DBF4B: variants seen among roughly 807,000 people sequenced by gnomAD.
DBF4B encodes protein DBF4 homolog B.
A neutral mutation model predicts 53.4 loss-of-function variants in DBF4B; 49 were observed. The ratio of observed to expected loss-of-function variants is 0.92; its 90% confidence interval spans 0.73 to 1.16. The LOEUF is 1.16. Ranked by LOEUF, DBF4B falls within the 50% of genes most tolerant of loss-of-function variation. The pLI, the probability that DBF4B is intolerant of heterozygous loss-of-function variation, is 0.00. For synonymous variants in DBF4B, 257 were observed against 288.7 expected (o/e 0.89, Z 1.11); for missense variants, 692 against 775.0 (o/e 0.89, Z 1.27).
chr17:44,710,159 C>T (rs1436084869), intron 2 of DBF4B, among the ~76,000 whole-genome samples: 3 of 151,406 alleles, frequency 2.0e-5, no homozygotes, highest in Non-Finnish European at 2.9e-5. Context: ...GGCGACCGAG[C>T]GAGACTCCGT....
chr17:44,727,584 A>G (rs1171824720), intron 3 of DBF4B, among the ~76,000 whole-genome samples: 2 of 152,252 alleles, frequency 1.3e-5, no homozygotes, highest in Non-Finnish European at 2.9e-5. Flanking sequence ...AATGAGGATT[A>G]TATAACCAAA....
At chr17:44,732,085 C>A in intron 5 of DBF4B, 93 bp from the exon 6 acceptor site, 1 of 1,282,972 alleles carries the variant, frequency 7.8e-7, no homozygotes, top group Non-Finnish European at 1.1e-6. Context: ...CCATGGATGA[C>A]TCAGGCCTCC....
chr17:44,734,235 C>A, intron 7 of DBF4B, 72 bp downstream of exon 7: 1 of 1,580,852 alleles, frequency 6.3e-7, no homozygotes, highest in South Asian at 1.1e-5. Context: ...TAGGTAAATC[C>A]ATGGCCCACC....
At chr17:44,724,683 A>G (rs1427215621) in intron 3 of DBF4B, among the ~76,000 whole-genome samples, 2 of 152,210 alleles carry the variant, frequency 1.3e-5, no homozygotes, top group Non-Finnish European at 2.9e-5. Context: ...CCAGCCAAAA[A>G]AAAGGAAACT....
At chr17:44,716,972 T>C (rs1973388680) in intron 2 of DBF4B, among the ~76,000 whole-genome samples, 1 of 152,194 alleles carries the variant, frequency 6.6e-6, no homozygotes, top group Admixed American at 6.5e-5. Context: ...TGTTGTCTTC[T>C]TGCCAGTTTC....
At chr17:44,748,217 C>G in intron 12 of DBF4B, 124 bp from the exon 13 acceptor site, 4 of 1,315,522 alleles carry the variant, frequency 3.0e-6, no homozygotes, top group Non-Finnish European at 4.2e-6. Context: ...CACAGGGCCT[C>G]AGAGAAGGCA....
chr17:44,713,034 CTTTTT>C (rs979925867), intron 2 of DBF4B, among the ~76,000 whole-genome samples: 1 of 103,900 alleles, frequency 9.6e-6, no homozygotes, highest in African/African-American at 4.1e-5. Context: ...TTTGTATTGA[CTTTTT>C]TTTTTTTTTT....
chr17:44,725,116 CAA>C (rs57821218), intron 3 of DBF4B, among the ~76,000 whole-genome samples: 11 of 47,590 alleles, frequency 2.3e-4, no homozygotes, highest in African/African-American at 6.6e-4. Context: ...GACTCCATCT[CAA>C]AAAAAAAAAA....
At chr17:44,730,736 C>T (rs938928868) in intron 4 of DBF4B, among the ~76,000 whole-genome samples, 28 of 152,282 alleles carry the variant, frequency 1.8e-4, no homozygotes, top group African/African-American at 6.5e-4. Context: ...GCCCTTCTCT[C>T]CACCAGGTTC....
chr17:44,743,194 G>C (rs1976250639), intron 10 of DBF4B, among the ~76,000 whole-genome samples: 1 of 152,182 alleles, frequency 6.6e-6, no homozygotes, highest in South Asian at 2.1e-4. Context: ...GGAGCTAAGA[G>C]GCTGTAAAGG....
rs1223382416 is a variant in DBF4B, at chr17:44,750,633, G to A, written c.1228G>A (p.Glu410Lys). 8 of 1,613,760 alleles carry A rather than the reference G, an allele frequency of 5.0e-6. No homozygotes were observed. Among genetic ancestry groups the A allele is most frequent in the African/African-American group, 1.3e-5 (1 of 74,934 alleles). ...GGCTGCGGGCCAGCAGCGATGGACA[G>A]AATCACTAGATGGTGTGATGGGACC... ...GRAAGQQRWT[E>K]SLDGVMGPPA... The change falls in exon 14 of 14, where the codon GAA (glutamate) becomes AAA (lysine). Residue 410 changes from glutamate to lysine, a missense_variant. Glu to Lys is a moderately conservative substitution (Grantham distance 56, BLOSUM62 1). Coordinates refer to ENST00000315005, the MANE Select transcript of DBF4B (RefSeq NM_145663.3).
intron 7 of DBF4B, among the ~76,000 whole-genome samples, chr17:44,736,391 G>A (rs1361232784): frequency 2.0e-5 from 3 of 152,088 alleles, no homozygotes; most frequent in Non-Finnish European, 2.9e-5. Flanking sequence ...AATGGCTATC[G>A]TCTTTATCCT....
chr17:44,733,007 T>C (rs1363448789), intron 6 of DBF4B: 1 of 150,156 alleles, frequency 6.7e-6, no homozygotes, highest in Non-Finnish European at 1.5e-5. Flanking sequence ...CTACTAAAAA[T>C]ACAAAAAATC....
At chr17:44,722,769 G>A in intron 2 of DBF4B, 111 bp from the exon 3 acceptor site, 1 of 1,224,864 alleles carries the variant, frequency 8.2e-7, no homozygotes, top group Non-Finnish European at 1.1e-6. Flanking sequence ...TGTGTGCCCA[G>A]GGTCTAGTCT....
rs2049269330 is a variant in DBF4B, at chr17:44,751,043, G to A, written c.1638G>A (p.Leu546=). 1 of 1,614,092 alleles carries A rather than the reference G, an allele frequency of 6.2e-7. No homozygotes were observed. Among genetic ancestry groups the A allele is most frequent in the Non-Finnish European group, 8.5e-7 (1 of 1,180,028 alleles). ...CPCLRLGYLY[L]LLTQSLWCRV... is the part of the protein sequence containing the mutation. Reference sequence around the variant, plus strand: ...GTCTCAGACTTGGATACCTTTACCTGCTGCTCACACAAAGCCTGTGGTGCC... The same window carrying A: ...GTCTCAGACTTGGATACCTTTACCTACTGCTCACACAAAGCCTGTGGTGCC... Residue 546 remains leucine, a synonymous_variant, in exon 14 of 14, where the codon CTG becomes CTA. Transcript: ENST00000315005.
chr17:44,720,080 C>T (rs1598775746), intron 2 of DBF4B: 1 of 251,702 alleles, frequency 4.0e-6, no homozygotes, highest in South Asian at 6.3e-5. Flanking sequence ...TGATTGAGGA[C>T]CAGAGGTCCA....
rs1445907600 is a variant in DBF4B, at chr17:44,749,380, T to C, written c.1189+915T>C. The C allele has an allele frequency of 7.8e-7, 1 of 1,289,492 alleles. No individual in the cohort carries two copies. Among genetic ancestry groups the C allele is most frequent in the South Asian group, 1.2e-5 (1 of 81,114 alleles). 79.9% of individuals were successfully genotyped at this position (1,289,492 alleles called of 1,614,324 possible). A position where few individuals can be genotyped will look rare whatever the true frequency, so the allele number is the denominator to read the frequency against. Reference sequence around the variant, plus strand: ...AGATTGAAGGGCCACAGATACAACTTACTCCTCTGCTGGGTGCTGCACACC... The same window carrying C: ...AGATTGAAGGGCCACAGATACAACTCACTCCTCTGCTGGGTGCTGCACACC... On this transcript the variant is annotated intron_variant, in intron 13 of 13. Coordinates refer to ENST00000315005, the MANE Select transcript of DBF4B (RefSeq NM_145663.3). The surrounding 1 kb of genome is among the most constrained non-coding windows in gnomAD (Gnocchi z 4.4).
chr17:44,734,244 C>T, intron 7 of DBF4B, 81 bp downstream of exon 7: 1 of 1,546,320 alleles, frequency 6.5e-7, no homozygotes, highest in South Asian at 1.1e-5. Context: ...CCATGGCCCA[C>T]CCAAACCATC....
chr17:44,717,355 G>A (rs565884948), intron 2 of DBF4B, among the ~76,000 whole-genome samples: 1 of 152,178 alleles, frequency 6.6e-6, no homozygotes, highest in East Asian at 1.9e-4. Flanking sequence ...ATAGTCAAAG[G>A]TTCCTACTCT....
Sources: allele counts gnomAD v4.1 joint callset (sites outside exome capture counted in the v4.1 genomes callset), GRCh38; gene constraint gnomAD v4.1.1; non-coding constraint Gnocchi (gnomAD v3.1); transcripts MANE v1.5; gene names NCBI Gene and HGNC (gene_info 2026-07-23, HGNC 2026-07-21).